Variants in GSE1 observed in about 807,000 individuals in gnomAD.
GSE1 encodes the protein genetic suppressor element 1.
Under a neutral mutation model 112.6 loss-of-function variants are expected in GSE1, and 32 were observed. The observed-to-expected ratio is 0.28, with a 90% CI of 0.21 to 0.38. The LOEUF is 0.38. GSE1 is among the 10% of genes least tolerant of loss of function. The pLI, the probability that GSE1 is intolerant of heterozygous loss-of-function variation, is 1.00. For synonymous variants in GSE1, 1,115 were observed against 735.6 expected (o/e 1.52, Z -8.35); for missense variants, 2,348 against 1,699.2 (o/e 1.38, Z -6.71).
At chr16:85,246,092 C>T (rs1905634420) in intron 1 of GSE1, among the ~76,000 whole-genome samples, 1 of 151,404 alleles carries the variant, frequency 6.6e-6, no homozygotes, top group Non-Finnish European at 1.5e-5. Context: ...TTGTGAGTTG[C>T]AGGAAACCTG....
intron 2 of GSE1, among the ~76,000 whole-genome samples, chr16:85,396,619 C>G (rs2047972287): frequency 6.6e-6 from 1 of 152,252 alleles, no homozygotes; most frequent in Non-Finnish European, 1.5e-5. Context: ...TTCCTCCTCC[C>G]TCCGATTGGG....
At chr16:85,572,271 C>A (rs1015602847) in intron 1 of GSE1, among the ~76,000 whole-genome samples, 5 of 145,028 alleles carry the variant, frequency 3.4e-5, no homozygotes, top group Admixed American at 1.4e-4. Context: ...ACACACACAC[C>A]AACACACCAC....
intron 2 of GSE1, among the ~76,000 whole-genome samples, chr16:85,487,300 C>T (rs2050873110): frequency 2.0e-5 from 3 of 152,174 alleles, no homozygotes; most frequent in East Asian, 3.9e-4. Flanking sequence ...CCTCCCGTCA[C>T]GTGGCGAGCT....
Position 85,422,545 on chromosome 16 carries a change from G to C in GSE1, c.2464+64902G>C, listed in dbSNP as rs145746865. Among the ~76,000 whole-genome samples, 419 of 151,708 alleles carry C rather than the reference G, an allele frequency of 2.8e-3. 1 individual carries two copies. Among genetic ancestry groups the C allele is most frequent in the African/African-American group, 9.7e-3 (400 of 41,358 alleles). On this transcript the variant is annotated intron_variant, in intron 2 of 2. Coordinates refer to the GSE1 transcript ENST00000637419. ...GAGTCCCCTTGTACACACGTTCACG[G>C]AGCAGCCACTGTGGGCCTTGCCCTG...
chr16:85,316,454 C>A (rs2045987060), intron 1 of GSE1, among the ~76,000 whole-genome samples: 1 of 152,198 alleles, frequency 6.6e-6, no homozygotes. Context: ...CCATCTTGCA[C>A]CCACACCTCC....
chr16:85,669,611 T>G (rs1052811396), intron 14 of GSE1, among the ~76,000 whole-genome samples: 1 of 152,256 alleles, frequency 6.6e-6, no homozygotes, highest in South Asian at 2.1e-4. Context: ...CAGTGATTTT[T>G]AACTCTCCTA....
At chr16:85,211,898 C>T (rs990907043) in intron 1 of GSE1, among the ~76,000 whole-genome samples, 2 of 152,208 alleles carry the variant, frequency 1.3e-5, no homozygotes, top group African/African-American at 2.4e-5. Flanking sequence ...CAGCTTTGAG[C>T]GCCTGGATTT....
chr16:85,400,249 T>TTGTGTG (rs60393248), intron 2 of GSE1, among the ~76,000 whole-genome samples: 2 of 150,482 alleles, frequency 1.3e-5, no homozygotes, highest in African/African-American at 4.9e-5. Context: ...AAGTGTAGGG[T>TTGTGTG]TGTGTGTGTG....
intron 2 of GSE1, among the ~76,000 whole-genome samples, chr16:85,458,864 C>A (rs528091885): frequency 3.9e-4 from 60 of 152,248 alleles, no homozygotes; most frequent in African/African-American, 1.4e-3. Flanking sequence ...CTACTGCTAA[C>A]CCTCCATCTA....
chr16:85,258,337 G>C (rs997339610), intron 1 of GSE1, among the ~76,000 whole-genome samples: 2 of 152,226 alleles, frequency 1.3e-5, no homozygotes, highest in Non-Finnish European at 2.9e-5. Context: ...CCGAGCATCT[G>C]TCCTGGCTCC....
chr16:85,488,264 G>A (rs946556722), intron 2 of GSE1, among the ~76,000 whole-genome samples: 3 of 152,072 alleles, frequency 2.0e-5, no homozygotes, highest in African/African-American at 7.2e-5. Flanking sequence ...TCGTCCTCTT[G>A]CAGTCTTTTC....
intron 12 of GSE1, among the ~76,000 whole-genome samples, chr16:85,665,491 GTC>G (rs1446894467): frequency 1.3e-5 from 2 of 152,220 alleles, no homozygotes; most frequent in African/African-American, 4.8e-5. Context: ...CCGCAGCCTG[GTC>G]CTGCCACTAG....
chr16:85,661,517 C>T lies in GSE1; in HGVS notation c.2012C>T (p.Pro671Leu). ...GAGCACCAGCCCTTCCTGCCCGGGC[C>T]CGGGCCCTTCCTGGCTGAGCTCGAG... is the stretch of plus-strand genomic sequence containing the variant. ...SLEHQPFLPGPGPFLAELEKS... is the reference protein window; with the variant it reads ...SLEHQPFLPGLGPFLAELEKS... Residue 671 changes from proline (P) to leucine (L), a missense_variant, in exon 9 of 16, where the codon CCC becomes CTC. Coordinates refer to ENST00000253458, the MANE Select transcript of GSE1 (RefSeq NM_014615.5). 1.2e-6 allele frequency: 2 copies of T among 1,612,138 alleles called. No individual in the cohort carries two copies. Among genetic ancestry groups the T allele is most frequent in the Non-Finnish European group, 1.7e-6 (2 of 1,179,752 alleles).
chr16:85,631,877 C>A (rs2049565123), intron 1 of GSE1, among the ~76,000 whole-genome samples: 1 of 152,278 alleles, frequency 6.6e-6, no homozygotes, highest in Non-Finnish European at 1.5e-5. Flanking sequence ...TCCAATGGAC[C>A]CGCTGCGCCT....
chr16:85,214,176 C>T (rs1195682075), intron 1 of GSE1, among the ~76,000 whole-genome samples: 5 of 152,330 alleles, frequency 3.3e-5, no homozygotes, highest in African/African-American at 7.2e-5. Context: ...TGTGGGCGGC[C>T]TCCGCTCACC....
rs189685969 is a variant in GSE1 at position 85,174,870 on chromosome 16, C to T, written c.2283+3063C>T. On this transcript the variant is annotated intron_variant, in intron 1 of 2. Coordinates refer to the GSE1 transcript ENST00000637419. ...GGAGGGGCTGTCCCCAAGCCCATTTCCTCATGCCAGCCCCCAAGATCTTGA... is the reference window on the plus strand; with the variant it reads ...GGAGGGGCTGTCCCCAAGCCCATTTTCTCATGCCAGCCCCCAAGATCTTGA... Among the ~76,000 whole-genome samples the T allele has an allele frequency of 1.0e-3, 153 of 152,314 alleles. 1 individual carries two copies. In the East Asian group the frequency reaches 0.026, roughly 25 times the overall value.
intron 1 of GSE1, among the ~76,000 whole-genome samples, chr16:85,199,958 C>G (rs753284129): frequency 1.3e-5 from 2 of 152,142 alleles, no homozygotes; most frequent in East Asian, 1.9e-4. Flanking sequence ...CATGAAACTC[C>G]TAGGCCAGAA....
At chr16:85,319,675 T>C (rs879680603) in intron 1 of GSE1, among the ~76,000 whole-genome samples, 2 of 152,204 alleles carry the variant, frequency 1.3e-5, no homozygotes, top group Non-Finnish European at 2.9e-5. Flanking sequence ...ATTAGTTCAC[T>C]CTGTTTTCTC....
At chr16:85,479,254 G>A (rs1312702818) in intron 2 of GSE1, among the ~76,000 whole-genome samples, 1 of 122,602 alleles carries the variant, frequency 8.2e-6, no homozygotes, top group African/African-American at 3.1e-5. Context: ...GGATGGTCTT[G>A]ATCTCCTGAC....
Sources: gnomAD v4.1 joint callset for allele counts (sites outside exome capture counted in the v4.1 genomes callset) on GRCh38, gnomAD v4.1.1 for gene constraint, MANE v1.5 for transcripts, NCBI Gene and HGNC (gene_info 2026-07-23, HGNC 2026-07-21) for gene names.